Variants in SBF2 observed in about 807,000 individuals in gnomAD.
SBF2 encodes the protein myotubularin-related protein 13.
SBF2 carries 112 observed loss-of-function variants against 225.2 expected under a neutral mutation model. The observed-to-expected ratio is 0.50, with a 90% CI of 0.43 to 0.58. The LOEUF is 0.58. Among genes scored for constraint, SBF2 ranks in the 20% least tolerant of loss-of-function variants. The pLI, the probability that SBF2 is intolerant of heterozygous loss-of-function variation, is 0.00. For missense variants in SBF2, 1,996 were observed against 2,206.2 expected, an observed-to-expected ratio of 0.90 and a Z score of 1.91; for synonymous variants, 763 against 773.3, an observed-to-expected ratio of 0.99 and a Z score of 0.22.
At chr11:10,038,979 T>C (rs1013560901) in intron 3 of SBF2, among the ~76,000 whole-genome samples, 6 of 151,832 alleles carry the variant, frequency 4.0e-5, no homozygotes, top group Admixed American at 2.6e-4. Flanking sequence ...CTTAAAAAAA[T>C]TTAGGATCAC....
chr11:10,262,614 C>A (rs1961559074), intron 1 of SBF2, among the ~76,000 whole-genome samples: 1 of 151,944 alleles, frequency 6.6e-6, no homozygotes, highest in Non-Finnish European at 1.5e-5. Context: ...ATTATGCTTT[C>A]TATGTATGTA....
intron 13 of SBF2, among the ~76,000 whole-genome samples, chr11:9,973,902 T>C (rs1946563254): frequency 2.0e-5 from 3 of 152,220 alleles, no homozygotes; most frequent in Admixed American, 2.0e-4. Flanking sequence ...TTAGAGCTTA[T>C]CAAGTTTCCC....
At chr11:10,253,464 A>T (rs1245842603) in intron 1 of SBF2, among the ~76,000 whole-genome samples, 3 of 152,172 alleles carry the variant, frequency 2.0e-5, no homozygotes, top group Non-Finnish European at 4.4e-5. Context: ...AACTGCTTGG[A>T]AACGCTTTTC....
intron 13 of SBF2, among the ~76,000 whole-genome samples, chr11:9,987,389 TTCAA>T (rs1206801045): frequency 6.6e-6 from 1 of 152,124 alleles, no homozygotes; most frequent in Non-Finnish European, 1.5e-5. Flanking sequence ...ACCACTCCTT[TTCAA>T]CATAGTACTG....
intron 2 of SBF2, among the ~76,000 whole-genome samples, chr11:10,184,577 A>G (rs1488402401): frequency 6.6e-6 from 1 of 152,186 alleles, no homozygotes; most frequent in Non-Finnish European, 1.5e-5. Flanking sequence ...CCATCTTGCA[A>G]AATTCACAAT....
intron 17 of SBF2, among the ~76,000 whole-genome samples, chr11:9,861,340 A>G (rs1273878870): frequency 6.6e-6 from 1 of 152,182 alleles, no homozygotes; most frequent in Non-Finnish European, 1.5e-5. Flanking sequence ...GACTACATGC[A>G]TGTACTGCCA....
intron 18 of SBF2, among the ~76,000 whole-genome samples, chr11:9,857,875 GTTAA>G: frequency 6.6e-6 from 1 of 152,204 alleles, no homozygotes; most frequent in Middle Eastern, 3.4e-3. Flanking sequence ...TTATTTTGGA[GTTAA>G]TTAACTTTAA....
At chr11:9,799,433 G>A (rs1853350244) in intron 32 of SBF2, among the ~76,000 whole-genome samples, 1 of 152,162 alleles carries the variant, frequency 6.6e-6, no homozygotes, top group Non-Finnish European at 1.5e-5. Flanking sequence ...GTCGCTAACT[G>A]GGGTTGAAAA....
chr11:10,190,946 G>C (rs1485696567), intron 2 of SBF2, among the ~76,000 whole-genome samples: 1 of 152,152 alleles, frequency 6.6e-6, no homozygotes, highest in Non-Finnish European at 1.5e-5. Context: ...CAAAAGATCA[G>C]GGTTTGAATC....
intron 17 of SBF2, among the ~76,000 whole-genome samples, chr11:9,894,587 G>C (rs1191833746): frequency 2.0e-5 from 3 of 152,262 alleles, no homozygotes; most frequent in East Asian, 1.9e-4. Flanking sequence ...GGGAGGCTGA[G>C]ATGGGAGGAT....
intron 1 of SBF2, among the ~76,000 whole-genome samples, chr11:10,281,410 T>C (rs1353388252): frequency 6.6e-6 from 1 of 152,212 alleles, no homozygotes; most frequent in Non-Finnish European, 1.5e-5. Flanking sequence ...GATACTGCAT[T>C]CATCATTTCC....
At position 10,260,585 on chromosome 11, in the gene SBF2, G is replaced by A. The variant is rs1473394581; in HGVS notation, c.55+33430C>T. ...CAAAAAATTAGCTGGGCGTGGTGGCGGGCACCTGTAGTCCCAGCTACTCAG... is the reference window on the plus strand; with the variant it reads ...CAAAAAATTAGCTGGGCGTGGTGGCAGGCACCTGTAGTCCCAGCTACTCAG... On this transcript the variant is annotated intron_variant, in intron 1 of 39. Coordinates refer to ENST00000256190, the MANE Select transcript of SBF2 (RefSeq NM_030962.4). Among the ~76,000 whole-genome samples the A allele has an allele frequency of 6.6e-5, 10 of 151,842 alleles. No individual in the cohort carries two copies. The East Asian group carries it at 9.7e-4, about 15-fold the overall frequency.
intron 32 of SBF2, among the ~76,000 whole-genome samples, chr11:9,805,611 A>C (rs537911265): frequency 6.6e-6 from 1 of 152,182 alleles, no homozygotes; most frequent in Non-Finnish European, 1.5e-5. Context: ...AATTCTACTT[A>C]GGATATTCTA....
intron 28 of SBF2, among the ~76,000 whole-genome samples, chr11:9,819,017 C>T (rs763090160): frequency 9.9e-5 from 15 of 152,278 alleles, no homozygotes; most frequent in South Asian, 4.1e-4. Flanking sequence ...CCACCACACC[C>T]GGCTGCATGA....
At chr11:10,096,664 C>A (rs1184684169) in intron 2 of SBF2, among the ~76,000 whole-genome samples, 1 of 152,110 alleles carries the variant, frequency 6.6e-6, no homozygotes, top group Non-Finnish European at 1.5e-5. Context: ...AAATCTCATA[C>A]AAGCGGTGTC....
At chr11:10,203,824 A>C (rs915077549) in intron 1 of SBF2, among the ~76,000 whole-genome samples, 8 of 152,086 alleles carry the variant, frequency 5.3e-5, no homozygotes, top group Non-Finnish European at 1.0e-4. Context: ...TTCCAAAATG[A>C]AACAGAGAAA....
At chr11:10,124,622 C>T (rs1321964493) in intron 2 of SBF2, among the ~76,000 whole-genome samples, 1 of 152,078 alleles carries the variant, frequency 6.6e-6, no homozygotes, top group African/African-American at 2.4e-5. Context: ...TCTGTATTTT[C>T]ATGAGAGTCA....
rs565852925 is a variant in SBF2 at position 9,930,310 on chromosome 11, T to C, written c.1860+31647A>G. The stretch of plus-strand genomic sequence containing the variant: ...TCACCATTAAAAAGGAATGATCTAT[T>C]GATGCATACTACATACATCAAAATA... On this transcript the variant is annotated intron_variant, in intron 16 of 39. Transcript: ENST00000256190. Among the ~76,000 whole-genome samples, 38 of 152,280 alleles carry C rather than the reference T, an allele frequency of 2.5e-4. 1 individual carries two copies. The highest frequency in any genetic ancestry group is 8.4e-4 in the African/African-American group (35 of 41,548).
intron 16 of SBF2, among the ~76,000 whole-genome samples, chr11:9,930,693 C>G (rs933286164): frequency 1.8e-4 from 27 of 152,178 alleles, no homozygotes; most frequent in Non-Finnish European, 5.9e-5. Flanking sequence ...ATGCAGAAGA[C>G]GGGTGATTTC....
Sources: gnomAD v4.1 joint callset for allele counts (sites outside exome capture counted in the v4.1 genomes callset) on GRCh38, gnomAD v4.1.1 for gene constraint, MANE v1.5 for transcripts, NCBI Gene and HGNC (gene_info 2026-07-23, HGNC 2026-07-21) for gene names.